RASGEF1C: variants seen among roughly 807,000 people sequenced by gnomAD.
RASGEF1C encodes RasGEF domain family member 1C, also known as ras-GEF domain-containing family member 1C.
A neutral mutation model predicts 58.1 loss-of-function variants in RASGEF1C; 27 were observed. The ratio of observed to expected loss-of-function variants is 0.46; its 90% CI spans 0.34 to 0.64. RASGEF1C has a LOEUF of 0.64. RASGEF1C is among the 30% of genes least tolerant of loss of function. RASGEF1C has a pLI of 0.01. For synonymous variants in RASGEF1C, 243 were observed against 246.3 expected (o/e 0.99, Z 0.13); for missense variants, 502 against 605.1 (o/e 0.83, Z 1.79).
chr5:180,190,283 C>T lies in RASGEF1C; in HGVS notation c.-7+18745G>A, dbSNP rs565432039. Among the ~76,000 whole-genome samples the T allele has an allele frequency of 1.5e-4, 23 of 151,296 alleles. No homozygotes were observed. The South Asian group carries it at 2.3e-3, about 15-fold the overall frequency. ...CAGGCGGATCACGAGGTTAGGAGATCGAGACCATCCTGGCTAACACGGTGA... is the reference window on the plus strand; with the variant it reads ...CAGGCGGATCACGAGGTTAGGAGATTGAGACCATCCTGGCTAACACGGTGA... On this transcript the variant is annotated intron_variant, in intron 1 of 13. Transcript: ENST00000361132.
At chr5:180,186,725 G>C (rs1202006937) in intron 1 of RASGEF1C, among the ~76,000 whole-genome samples, 1 of 152,134 alleles carries the variant, frequency 6.6e-6, no homozygotes, top group East Asian at 1.9e-4. Flanking sequence ...CAGGACTTTG[G>C]GAGGCCAAGG....
intron 1 of RASGEF1C, among the ~76,000 whole-genome samples, chr5:180,189,058 G>A (rs996943490): frequency 6.6e-6 from 1 of 152,284 alleles, no homozygotes; most frequent in Admixed American, 6.5e-5. Flanking sequence ...TACAGAATCT[G>A]TACCAAGAGC....
chr5:180,123,806 C>A (rs1159900954), intron 6 of RASGEF1C, among the ~76,000 whole-genome samples: 1 of 151,872 alleles, frequency 6.6e-6, no homozygotes, highest in Non-Finnish European at 1.5e-5. Flanking sequence ...AATTGATGAA[C>A]CTCGGATAAG....
chr5:180,171,946 G>C (rs1462364218), intron 1 of RASGEF1C, among the ~76,000 whole-genome samples: 1 of 152,136 alleles, frequency 6.6e-6, no homozygotes, highest in South Asian at 2.1e-4. Context: ...TCTGTAAAGT[G>C]GGCTCACGAG....
In RASGEF1C at chr5:180,197,517, CAG is replaced by C. The variant is rs2127563759; in HGVS notation, c.-7+11509_-7+11510del. 6.6e-6 allele frequency among the ~76,000 whole-genome samples: 1 copy of C among 152,308 alleles called. No individual in the cohort carries two copies. Among genetic ancestry groups the C allele is most frequent in the African/African-American group, 2.4e-5 (1 of 41,568 alleles). ...GTGAGCAGAGAGAGGCCCACAAAGA[CAG>C]AGAGTGAGAGCAGTCCACGCTCAAA... On this transcript the variant is annotated intron_variant, in intron 1 of 13. Transcript: ENST00000361132. This position sits in a 1 kb window ranked among gnomAD's most constrained non-coding sequence, Gnocchi z 4.7.
intron 1 of RASGEF1C, among the ~76,000 whole-genome samples, chr5:180,175,061 C>T (rs1767201067): frequency 6.6e-6 from 1 of 152,158 alleles, no homozygotes; most frequent in Non-Finnish European, 1.5e-5. Context: ...AAGGCCCCAG[C>T]GGCCAGCACC....
At chr5:180,117,507 A>C (rs1233945624) in intron 10 of RASGEF1C, among the ~76,000 whole-genome samples, 1 of 152,214 alleles carries the variant, frequency 6.6e-6, no homozygotes, top group Non-Finnish European at 1.5e-5. Flanking sequence ...CAAAGGTACA[A>C]CAAGTCTTGG....
At chr5:180,206,724 C>T (rs6868576) in intron 1 of RASGEF1C, among the ~76,000 whole-genome samples, 38,620 of 152,150 alleles carry the variant, frequency 0.25, 6,016 homozygotes, top group Non-Finnish European at 0.35. Context: ...AATAATAGTA[C>T]AGCCACAGAA....
At chr5:180,141,433 C>T (rs1250940212) in intron 1 of RASGEF1C, among the ~76,000 whole-genome samples, 2 of 152,204 alleles carry the variant, frequency 1.3e-5, no homozygotes, top group African/African-American at 2.4e-5. Flanking sequence ...ACCTTGAGGA[C>T]GTCATGCTAA....
At chr5:180,108,208 T>C (rs114017961) in intron 12 of RASGEF1C, among the ~76,000 whole-genome samples, 2,303 of 150,924 alleles carry the variant, frequency 0.015, 61 homozygotes, top group African/African-American at 0.052. Flanking sequence ...TTCTTTCTTT[T>C]TTTTTTTTTT....
Position 180,155,326 on chromosome 5 carries a change from G to A in RASGEF1C, c.-6-17268C>T, listed in dbSNP as rs72813675. Reference sequence around the variant, plus strand: ...TGGACACACATTTCATTTCCATTTGGGTCCCATGAAGGACTCCTGCCTGCT... The same window carrying A: ...TGGACACACATTTCATTTCCATTTGAGTCCCATGAAGGACTCCTGCCTGCT... On this transcript the variant is annotated intron_variant, in intron 1 of 13. Transcript: ENST00000361132. This position sits in a 1 kb window ranked among gnomAD's most constrained non-coding sequence, Gnocchi z 5.2. Among the ~76,000 whole-genome samples the A allele has an allele frequency of 0.15, 22,965 of 151,930 alleles. 1,855 individuals are homozygous for A. Among genetic ancestry groups the A allele is most frequent in the East Asian group, 0.18 (938 of 5,126 alleles).
intron 10 of RASGEF1C, among the ~76,000 whole-genome samples, chr5:180,118,122 A>G (rs796221415): frequency 3.3e-5 from 5 of 152,300 alleles, no homozygotes; most frequent in African/African-American, 1.2e-4. Context: ...TACGTTTAGA[A>G]TCAGGGAGGT....
chr5:180,207,700 T>G (rs1756514040), intron 1 of RASGEF1C, among the ~76,000 whole-genome samples: 1 of 152,036 alleles, frequency 6.6e-6, no homozygotes, highest in Non-Finnish European at 1.5e-5. Flanking sequence ...ACGCCCAACC[T>G]GCAAACCGCC....
intron 1 of RASGEF1C, among the ~76,000 whole-genome samples, chr5:180,174,473 T>TGCGCGTACACAC (rs1767178494): frequency 2.6e-5 from 2 of 78,378 alleles, no homozygotes; most frequent in African/African-American, 9.8e-5. Context: ...TCTGTGTGTA[T>TGCGCGTACACAC]GTGTGTCTGT....
intron 1 of RASGEF1C, among the ~76,000 whole-genome samples, chr5:180,150,710 G>A (rs1766731958): frequency 6.6e-6 from 1 of 152,026 alleles, no homozygotes; most frequent in African/African-American, 2.4e-5. Flanking sequence ...TAGAAGTTCT[G>A]GCCAGGGCAA....
In RASGEF1C at chr5:180,118,724, C is replaced by G; in HGVS notation, c.988-20G>C. ...CTGGTGCTGGAAGGAGACAGGGAGG[C>G]ATGTGGGCAGTTCTGTCCAGGGGAT... is the stretch of plus-strand genomic sequence containing the variant. On this transcript the variant is annotated intron_variant, in intron 9 of 13. Coordinates refer to ENST00000361132, the MANE Select transcript of RASGEF1C (RefSeq NM_175062.4). 1 of 1,614,074 alleles carries G rather than the reference C, an allele frequency of 6.2e-7. No homozygotes were observed. The highest frequency in any genetic ancestry group is 1.7e-5 in the Admixed American group (1 of 60,032).
At chr5:180,114,643 A>C in intron 10 of RASGEF1C, 102 bp from the exon 11 acceptor site, 2 of 1,109,896 alleles carry the variant, frequency 1.8e-6, no homozygotes, top group Non-Finnish European at 2.6e-6. Flanking sequence ...CAGGGACCTC[A>C]GACCCGACCC....
intron 13 of RASGEF1C, 27 bp downstream of exon 13, chr5:180,102,044 A>G (rs111774701): frequency 8.3e-6 from 9 of 1,090,426 alleles, no homozygotes; most frequent in Non-Finnish European, 1.2e-5. Flanking sequence ...AGCAGCCCCC[A>G]GGCCCCACCT....
At chr5:180,208,152 C>A (rs1756523660) in intron 1 of RASGEF1C, among the ~76,000 whole-genome samples, 2 of 152,062 alleles carry the variant, frequency 1.3e-5, no homozygotes, top group African/African-American at 4.8e-5. Context: ...GGGACCCCAG[C>A]GTTGCCACTC....
Sources: gnomAD v4.1 joint callset for allele counts (sites outside exome capture counted in the v4.1 genomes callset) on GRCh38, gnomAD v4.1.1 for gene constraint, Gnocchi (gnomAD v3.1) non-coding constraint, MANE v1.5 for transcripts, NCBI Gene and HGNC (gene_info 2026-07-23, HGNC 2026-07-21) for gene names.